The following FGF14 variants were observed in gnomAD, a reference collection of about 807,000 sequenced individuals.
FGF14 encodes fibroblast growth factor homologous factor 4.
FGF14 carries 5 observed loss-of-function variants against 25.5 expected under a neutral mutation model. The observed-to-expected ratio is 0.20, with a 90% CI of 0.10 to 0.41. The LOEUF (loss-of-function observed/expected upper bound fraction) is 0.41, where lower values mean the gene tolerates loss of function less well. Among genes scored for constraint, FGF14 ranks in the 10% least tolerant of loss-of-function variants. The pLI, the probability that FGF14 is intolerant of heterozygous loss-of-function variation, is 1.00. For missense variants in FGF14, 222 were observed against 320.1 expected, an observed-to-expected ratio of 0.69 and a Z score of 2.34; for synonymous variants, 138 against 118.3, an observed-to-expected ratio of 1.17 and a Z score of -1.08.
At chr13:101,902,476 C>G (rs919779165) in intron 1 of FGF14, among the ~76,000 whole-genome samples, 1 of 152,136 alleles carries the variant, frequency 6.6e-6, no homozygotes, top group Admixed American at 6.5e-5. Context: ...CCAATATATG[C>G]AGTTTACAGC....
intron 1 of FGF14, among the ~76,000 whole-genome samples, chr13:102,000,381 A>G (rs1160334282): frequency 6.6e-6 from 1 of 152,242 alleles, no homozygotes; most frequent in African/African-American, 2.4e-5. Flanking sequence ...AAATGCTTAT[A>G]TTGTTTTAAA....
chr13:101,943,395 G>C (rs2035576596), intron 1 of FGF14, among the ~76,000 whole-genome samples: 1 of 152,194 alleles, frequency 6.6e-6, no homozygotes, highest in South Asian at 2.1e-4. Context: ...ACCCCCAGGG[G>C]TAATTTGGCA....
At chr13:102,353,078 T>C (rs1287893155) in intron 1 of FGF14, among the ~76,000 whole-genome samples, 6 of 152,156 alleles carry the variant, frequency 3.9e-5, no homozygotes, top group African/African-American at 1.4e-4. Context: ...TGGAGTCCAG[T>C]GTCAAGTCAC....
chr13:102,278,627 A>AATATATATATATATAT (rs10578533), intron 1 of FGF14, among the ~76,000 whole-genome samples: 1,773 of 147,436 alleles, frequency 0.012, 20 homozygotes, highest in African/African-American at 0.017. Flanking sequence ...CATTTTATGT[A>AATATATATATATATAT]ATATATATAT....
intron 3 of FGF14, among the ~76,000 whole-genome samples, chr13:101,812,635 ATATATAT>A (rs2041603058): frequency 9.1e-5 from 1 of 11,026 alleles, no homozygotes; most frequent in Non-Finnish European, 2.1e-4. Context: ...ATATATATAT[ATATATAT>A]ATATATATAT....
At chr13:101,759,155 A>C (rs778239648) in intron 3 of FGF14, among the ~76,000 whole-genome samples, 24 of 152,162 alleles carry the variant, frequency 1.6e-4, no homozygotes, top group Non-Finnish European at 2.8e-4. Flanking sequence ...GTAGAGTCAC[A>C]AGACAGGTGA....
chr13:102,010,495 AAAAG>A (rs1428382859), intron 1 of FGF14, among the ~76,000 whole-genome samples: 1 of 152,168 alleles, frequency 6.6e-6, no homozygotes, highest in East Asian at 1.9e-4. Flanking sequence ...ACTGAGAAAA[AAAAG>A]AAAGTGTTTA....
At chr13:102,133,464 T>C (rs1027626536) in intron 1 of FGF14, among the ~76,000 whole-genome samples, 8 of 152,306 alleles carry the variant, frequency 5.3e-5, no homozygotes, top group East Asian at 1.9e-4. Context: ...ATATATATTA[T>C]AGAAGTGTGT....
At chr13:101,835,291 T>C (rs1402985903) in intron 3 of FGF14, among the ~76,000 whole-genome samples, 1 of 151,914 alleles carries the variant, frequency 6.6e-6, no homozygotes, top group Non-Finnish European at 1.5e-5. Context: ...GATTGATTTA[T>C]ATTTCCCTTT....
chr13:102,336,075 A>G (rs1240120599), intron 1 of FGF14, among the ~76,000 whole-genome samples: 2 of 152,146 alleles, frequency 1.3e-5, no homozygotes, highest in Admixed American at 6.6e-5. Context: ...CATGGCCTCT[A>G]AGTGTTCAAG....
In FGF14 at chr13:101,722,575, GATATT is replaced by G. The variant is rs2035065984; in HGVS notation, c.*251_*255del. On this transcript the variant is annotated 3_prime_UTR_variant, in exon 5 of 5. Transcript: ENST00000376143. ...CATGAAGTGTCACAGTCACAGAAAA[GATATT>G]AAAAAGGCATTCCATATCTGGTAGG... 1 of 523,720 alleles carries G rather than the reference GATATT, an allele frequency of 1.9e-6. No homozygotes were observed. The highest frequency in any genetic ancestry group is 3.2e-5 in the Admixed American group (1 of 31,718). The allele number at this position is 523,720 out of a possible 1,614,324, so 32.4% of individuals were successfully genotyped here. A position where few individuals can be genotyped will look rare whatever the true frequency, so the allele number is the denominator to read the frequency against.
intron 3 of FGF14, among the ~76,000 whole-genome samples, chr13:101,783,613 T>C (rs1031049135): frequency 2.0e-5 from 3 of 152,176 alleles, no homozygotes; most frequent in Non-Finnish European, 2.9e-5. Flanking sequence ...TTATCTCCCA[T>C]TGTCTAGGTT....
intron 1 of FGF14, among the ~76,000 whole-genome samples, chr13:102,392,442 G>T (rs542814060): frequency 6.6e-6 from 1 of 152,154 alleles, no homozygotes; most frequent in East Asian, 1.9e-4. Context: ...TTTTTTCCCA[G>T]TCCTAAGGAT....
intron 1 of FGF14, among the ~76,000 whole-genome samples, chr13:101,932,532 T>C (rs1335687243): frequency 3.8e-5 from 2 of 51,988 alleles, no homozygotes; most frequent in Non-Finnish European, 2.8e-5. Context: ...AGACTCCATG[T>C]CAAAAAAAAA....
chr13:101,928,116 A>T (rs2034495613), intron 1 of FGF14, among the ~76,000 whole-genome samples: 1 of 152,182 alleles, frequency 6.6e-6, no homozygotes, highest in Admixed American at 6.5e-5. Flanking sequence ...GTTCTGGATG[A>T]CCACGAGCTG....
intron 1 of FGF14, among the ~76,000 whole-genome samples, chr13:102,259,384 T>C (rs1440907526): frequency 1.3e-5 from 2 of 152,204 alleles, no homozygotes; most frequent in East Asian, 1.9e-4. Context: ...TTTTGTTTTG[T>C]TTTGTTTTTT....
chr13:101,896,534 C>A (rs2030704362), intron 1 of FGF14, among the ~76,000 whole-genome samples: 1 of 152,180 alleles, frequency 6.6e-6, no homozygotes, highest in Non-Finnish European at 1.5e-5. Context: ...TAATGAGAGG[C>A]AGCAAAAGGC....
chr13:101,990,532 C>T (rs976795719), intron 1 of FGF14, among the ~76,000 whole-genome samples: 7 of 152,012 alleles, frequency 4.6e-5, no homozygotes, highest in Admixed American at 2.6e-4. Flanking sequence ...TACTTAGTGA[C>T]GGCCTCAAAG....
At chr13:102,055,118 T>G (rs2042373984) in intron 1 of FGF14, among the ~76,000 whole-genome samples, 1 of 152,232 alleles carries the variant, frequency 6.6e-6, no homozygotes, top group South Asian at 2.1e-4. Flanking sequence ...TTCTCACAGT[T>G]CAATGCCCCA....
Sources: allele counts gnomAD v4.1 joint callset (sites outside exome capture counted in the v4.1 genomes callset), GRCh38; gene constraint gnomAD v4.1.1; transcripts MANE v1.5; gene names NCBI Gene and HGNC (gene_info 2026-07-23, HGNC 2026-07-21).